BTBD18: variants seen among roughly 807,000 people sequenced by gnomAD.
BTBD18 encodes BTB domain containing 18.
For missense variants in BTBD18, 787 were observed against 846.3 expected, an observed-to-expected ratio of 0.93 and a Z score of 0.87; for synonymous variants, 311 against 324.4, an observed-to-expected ratio of 0.96 and a Z score of 0.44.
At position 57,751,236 on chromosome 11, in the gene BTBD18, C is replaced by G; in HGVS notation, c.-48G>C. ...CTTCTAGGTTTTCACAGATCAGACT[C>G]CTGTAGGTGAGATAATACATTTCAG... On this transcript the variant is annotated splice_region_variant and 5_prime_UTR_variant, in exon 2 of 3. Coordinates refer to ENST00000422652, the MANE Select transcript of BTBD18 (RefSeq NM_001145101.3). 1 of 1,428,536 alleles carries G rather than the reference C, an allele frequency of 7.0e-7. No homozygotes were observed. Among genetic ancestry groups the G allele is most frequent in the Non-Finnish European group, 9.2e-7 (1 of 1,083,304 alleles). The allele number at this position is 1,428,536 out of a possible 1,614,324, so 88.5% of individuals were successfully genotyped here.
chr11:57,746,145 T>C lies in BTBD18; in HGVS notation c.128A>G (p.Glu43Gly), dbSNP rs1949183598. The stretch of plus-strand genomic sequence containing the variant: ...GATGCAGCAGTGAGCTGGAACTGCC[T>C]CACCTGAAGGGAAACCCAAATACTT... ...FCDVLLQAEG[E>G]AVPAHCCILS... The change falls in exon 3 of 3, where the codon GAG (glutamate) becomes GGG (glycine). Residue 43 changes from glutamate (E) to glycine (G), a missense_variant. Glu to Gly is a moderately conservative substitution (Grantham distance 98). Transcript: ENST00000422652. The C allele has an allele frequency of 6.5e-7, 1 of 1,540,578 alleles. No homozygotes were observed. The highest frequency in any genetic ancestry group is 1.2e-5 in the South Asian group (1 of 82,864).
chr11:57,749,595 C>G (rs1949260323), intron 2 of BTBD18, among the ~76,000 whole-genome samples: 1 of 151,688 alleles, frequency 6.6e-6, no homozygotes, highest in Non-Finnish European at 1.5e-5. Context: ...CTAAAAAATA[C>G]AAAAATTAGC....
At chr11:57,750,396 A>C (rs998584915) in intron 2 of BTBD18, among the ~76,000 whole-genome samples, 12 of 150,390 alleles carry the variant, frequency 8.0e-5, no homozygotes, top group Admixed American at 7.3e-4. Flanking sequence ...ACAACAACAA[A>C]AAAGAAAATG....
In BTBD18 at chr11:57,744,122, C is replaced by G; in HGVS notation, c.*12G>C. 1 of 1,525,088 alleles carries G rather than the reference C, an allele frequency of 6.6e-7. No homozygotes were observed. The highest frequency in any genetic ancestry group is 8.9e-7 in the Non-Finnish European group (1 of 1,129,216). 94.5% of individuals were successfully genotyped at this position (1,525,088 alleles called of 1,614,324 possible). A position where few individuals can be genotyped will look rare whatever the true frequency, so the allele number is the denominator to read the frequency against. The stretch of plus-strand genomic sequence containing the variant: ...ACCCTCCCAAGGCCCCTAACCTGCC[C>G]TCCCCTCTCCACTATGTTAGTATAT... On this transcript the variant is annotated 3_prime_UTR_variant, in exon 3 of 3. Transcript: ENST00000422652.
At position 57,744,275 on chromosome 11, in the gene BTBD18, G is replaced by A. The variant is rs1334218699; in HGVS notation, c.1998C>T (p.Gly666=). 2 of 1,551,718 alleles carry A rather than the reference G, an allele frequency of 1.3e-6. No homozygotes were observed. The highest frequency in any genetic ancestry group is 1.7e-6 in the Non-Finnish European group (2 of 1,146,992). Residue 666 remains glycine, a synonymous_variant, in exon 3 of 3, where the codon GGC becomes GGT. Coordinates refer to ENST00000422652, the MANE Select transcript of BTBD18 (RefSeq NM_001145101.3). ...CCTCTTCAGAGCTGGCAGGAAGTGA[G>A]CCTAGTAGTTCAGAGTGACCAGATA... ...KEVSGHSELL[G]SLPASSEEEE... is the part of the protein sequence containing the mutation.
Position 57,745,375 on chromosome 11 carries a change from G to A in BTBD18, c.898C>T (p.Gln300Ter). ...GGTGTTTCTTTATTTACACTCCTCT[G>A]CCGCCAAAGACGCCGGCCAGGGGTT... is the stretch of plus-strand genomic sequence containing the variant. Reference protein sequence around the residue: ...PATPGRRLWRQRSVNKETPED... With the variant: ...PATPGRRLWR The change falls in exon 3 of 3, where the codon CAG becomes TAG. Residue 300 changes from glutamine to a stop codon, truncating the protein, a stop_gained. Transcript: ENST00000422652. LOFTEE classifies it low-confidence loss of function (END_TRUNC). The A allele has an allele frequency of 6.4e-7, 1 of 1,551,698 alleles. No individual in the cohort carries two copies. Among genetic ancestry groups the A allele is most frequent in the Non-Finnish European group, 8.7e-7 (1 of 1,146,988 alleles).
At chr11:57,746,903 A>C (rs949462126) in intron 2 of BTBD18, among the ~76,000 whole-genome samples, 1 of 151,514 alleles carries the variant, frequency 6.6e-6, no homozygotes, top group African/African-American at 2.4e-5. Context: ...GCACTTAGCT[A>C]TCTGTATTGT....
chr11:57,752,763 C>T (rs147948108), upstream of BTBD18, among the ~76,000 whole-genome samples: 339 of 152,336 alleles, frequency 2.2e-3, no homozygotes, highest in Middle Eastern at 6.8e-3. Flanking sequence ...AGCAAAGATG[C>T]GCAGGTGGGC....
At chr11:57,749,681 C>T (rs887815738) in intron 2 of BTBD18, among the ~76,000 whole-genome samples, 11 of 131,720 alleles carry the variant, frequency 8.4e-5, no homozygotes, top group Admixed American at 5.7e-4. Flanking sequence ...ACCCAGAAGG[C>T]GGAGACAGCA....
At position 57,744,148 on chromosome 11, in the gene BTBD18, C is replaced by G; in HGVS notation, c.2125G>C (p.Asp709His). The change falls in exon 3 of 3, where the codon GAT becomes CAT. Residue 709 changes from aspartate to histidine, a missense_variant. Physicochemically the swap from Asp to His is moderately conservative, Grantham distance 81. Transcript: ENST00000422652. ...TCCCCTCTCCACTATGTTAGTATAT[C>G]TACCTCTGTTTCTGACTCTGAGGAA... ...DPSSESETEV[D>H]ILT 6.7e-7 allele frequency: 1 copy of G among 1,487,674 alleles called. No individual in the cohort carries two copies. Among genetic ancestry groups the G allele is most frequent in the Non-Finnish European group, 9.1e-7 (1 of 1,103,394 alleles). 92.2% of individuals were successfully genotyped at this position (1,487,674 alleles called of 1,614,324 possible).
chr11:57,749,457 A>C (rs1365733930), intron 2 of BTBD18, among the ~76,000 whole-genome samples: 2 of 152,242 alleles, frequency 1.3e-5, no homozygotes, highest in East Asian at 3.8e-4. Context: ...TGTTAGAATC[A>C]GATGAGACAT....
intron 2 of BTBD18, among the ~76,000 whole-genome samples, chr11:57,748,754 T>C (rs1240667895): frequency 6.6e-6 from 1 of 152,168 alleles, no homozygotes; most frequent in Non-Finnish European, 1.5e-5. Flanking sequence ...TAACCAATAA[T>C]GGCTGAATGT....
intron 2 of BTBD18, 24 bp downstream of exon 2, chr11:57,751,019 CTTATTCTATGGTGAGTTTTCAG>C (rs1949295527): frequency 6.8e-7 from 1 of 1,470,028 alleles, no homozygotes; most frequent in East Asian, 2.7e-5. Flanking sequence ...CTCATTTTAT[CTTATTCTATGGTGAGTTTTCAG>C]TTGAATTCCG....
intron 2 of BTBD18, among the ~76,000 whole-genome samples, chr11:57,749,642 C>G (rs1949261554): frequency 6.7e-6 from 1 of 149,294 alleles, no homozygotes. Context: ...CCCAGCTACT[C>G]AGGAGACTGA....
At position 57,744,452 on chromosome 11, in the gene BTBD18, T is replaced by C; in HGVS notation, c.1821A>G (p.Glu607=). The stretch of plus-strand genomic sequence containing the variant: ...GGGAGCTGACATGGAGAAGTTTGTC[T>C]TCCTGACCATCCAGTGGCTGGGAGC... ...ITSSQPLDGQ[E]DKLLHVSSLD... The change falls in exon 3 of 3, where the codon GAA becomes GAG. Residue 607 remains glutamate (E), a synonymous_variant. Transcript: ENST00000422652. 6.4e-7 allele frequency: 1 copy of C among 1,551,690 alleles called. No homozygotes were observed. Among genetic ancestry groups the C allele is most frequent in the Non-Finnish European group, 8.7e-7 (1 of 1,146,982 alleles).
intron 2 of BTBD18, among the ~76,000 whole-genome samples, chr11:57,746,613 C>T (rs1348511574): frequency 1.3e-5 from 2 of 152,014 alleles, no homozygotes; most frequent in East Asian, 1.9e-4. Flanking sequence ...CGTGAGCCAC[C>T]GTGTCCAGCC....
Position 57,744,873 on chromosome 11 carries a change from T to C in BTBD18, c.1400A>G (p.Tyr467Cys). 3 of 1,551,642 alleles carry C rather than the reference T, an allele frequency of 1.9e-6. No individual in the cohort carries two copies. The South Asian group carries it at 3.6e-5, about 18-fold the overall frequency. The change falls in exon 3 of 3, where the codon TAT becomes TGT. Residue 467 changes from tyrosine to cysteine, a missense_variant. Tyr to Cys is a radical substitution (Grantham distance 194). Coordinates refer to ENST00000422652, the MANE Select transcript of BTBD18 (RefSeq NM_001145101.3). ...PMLAIDCREPYAFDTALLEQP... is the reference protein window; with the variant it reads ...PMLAIDCREPCAFDTALLEQP... ...CTCCAGCAGAGCTGTGTCAAATGCA[T>C]AGGGTTCTCTGCAGTCAATAGCCAA...
In BTBD18 at chr11:57,745,675, T is replaced by C; in HGVS notation, c.598A>G (p.Asn200Asp). 1 of 1,551,656 alleles carries C rather than the reference T, an allele frequency of 6.4e-7. No individual in the cohort carries two copies. The highest frequency in any genetic ancestry group is 8.7e-7 in the Non-Finnish European group (1 of 1,146,984). The change falls in exon 3 of 3, where the codon AAT (asparagine) becomes GAT (aspartate). Residue 200 changes from asparagine to aspartate, a missense_variant. Physicochemically the swap from Asn to Asp is conservative, Grantham distance 23 (BLOSUM62 1). Transcript: ENST00000422652. The part of the protein sequence containing the change: ...PQENNRQNAD[N>D]LSGTLLLKRK... ...TTGAGCAGAAGAGTGCCAGACAAAT[T>C]GTCTGCATTCTGTCGGTTGTTTTCC...
chr11:57,743,893 T>C lies in BTBD18; in HGVS notation c.*241A>G. On this transcript the variant is annotated 3_prime_UTR_variant, in exon 3 of 3. Transcript: ENST00000422652. ...TTGGGGAGCACACAGTTTGTTTCAGTTGTCACTAACCGGAAAATAGATTAC... is the reference window on the plus strand; with the variant it reads ...TTGGGGAGCACACAGTTTGTTTCAGCTGTCACTAACCGGAAAATAGATTAC... 2.4e-6 allele frequency: 1 copy of C among 422,492 alleles called. No homozygotes were observed. Among genetic ancestry groups the C allele is most frequent in the Non-Finnish European group, 4.3e-6 (1 of 234,416 alleles). 26.2% of individuals were successfully genotyped at this position (422,492 alleles called of 1,614,324 possible).
Sources: allele counts gnomAD v4.1 joint callset (sites outside exome capture counted in the v4.1 genomes callset), GRCh38; gene constraint gnomAD v4.1.1; transcripts MANE v1.5; gene names NCBI Gene and HGNC (gene_info 2026-07-23, HGNC 2026-07-21).